The following BFSP2 variants were observed in gnomAD, a reference collection of about 807,000 sequenced individuals.
BFSP2 encodes the protein beaded filament structural protein 2.
BFSP2 carries 38 observed loss-of-function variants against 44.9 expected under a neutral mutation model. The ratio of observed to expected loss-of-function variants is 0.85; its 90% CI spans 0.65 to 1.11. The LOEUF is 1.11. Among genes scored for constraint, BFSP2 ranks in the 50% least tolerant of loss-of-function variants. BFSP2 has a pLI of 0.00. For synonymous variants in BFSP2, 197 were observed against 209.9 expected (o/e 0.94, Z 0.53); for missense variants, 525 against 533.0 (o/e 0.99, Z 0.15).
intron 1 of BFSP2, among the ~76,000 whole-genome samples, chr3:133,428,257 C>T (rs112906926): frequency 0.018 from 2,733 of 152,164 alleles, 36 homozygotes; most frequent in Non-Finnish European, 0.028. Flanking sequence ...TGGAGAAACC[C>T]GCAAGAGGCA....
intron 1 of BFSP2, among the ~76,000 whole-genome samples, chr3:133,419,516 G>C (rs1198231629): frequency 6.6e-6 from 1 of 152,202 alleles, no homozygotes; most frequent in Non-Finnish European, 1.5e-5. Flanking sequence ...CGTTTGATAA[G>C]ATAGAGCTAT....
chr3:133,400,150 C>G lies in BFSP2; in HGVS notation c.67C>G (p.Arg23Gly). The change falls in exon 1 of 7, where the codon CGC becomes GGC. Residue 23 changes from arginine to glycine, a missense_variant. By Grantham distance (125) the Arg-to-Gly change is moderately radical (BLOSUM62 -2). Transcript: ENST00000302334. The surrounding 1 kb of genome is among the most constrained non-coding windows in gnomAD (Gnocchi z 4.0). ...SASSSMPLQRRRASFRGPRSS... is the reference protein window; with the variant it reads ...SASSSMPLQRGRASFRGPRSS... ...CAGCTCCAGCATGCCCCTCCAGAGG[C>G]GCAGGGCGTCCTTCAGGGGGCCACG... is the stretch of plus-strand genomic sequence containing the variant. 1 of 1,614,176 alleles carries G rather than the reference C, an allele frequency of 6.2e-7. No individual in the cohort carries two copies. The highest frequency in any genetic ancestry group is 8.5e-7 in the Non-Finnish European group (1 of 1,180,034).
intron 1 of BFSP2, among the ~76,000 whole-genome samples, chr3:133,433,071 C>A (rs534536892): frequency 6.6e-6 from 1 of 152,322 alleles, no homozygotes; most frequent in Admixed American, 6.5e-5. Flanking sequence ...CTCCCCGGCA[C>A]CTTCAGCTGT....
At chr3:133,418,750 A>G (rs2107892302) in intron 1 of BFSP2, among the ~76,000 whole-genome samples, 1 of 152,216 alleles carries the variant, frequency 6.6e-6, no homozygotes, top group South Asian at 2.1e-4. Context: ...TTCCCTAACA[A>G]AATCATTTAC....
intron 1 of BFSP2, among the ~76,000 whole-genome samples, chr3:133,435,905 A>G (rs1185484192): frequency 6.6e-6 from 1 of 152,120 alleles, no homozygotes; most frequent in African/African-American, 2.4e-5. Flanking sequence ...GCTTCACCAC[A>G]AATTTGATGT....
rs569631397 is a variant in BFSP2, at chr3:133,410,258, C to G, written c.489+9686C>G. 7 of 352,122 alleles carry G rather than the reference C, an allele frequency of 2.0e-5. 1 individual carries two copies. The highest frequency in any genetic ancestry group is 1.6e-4 in the South Asian group (7 of 43,080). 21.8% of individuals were successfully genotyped at this position (352,122 alleles called of 1,614,324 possible). Reference sequence around the variant, plus strand: ...GGACCTCTGCACCCAGCATTTCTGTCCCAGAAACAGTCCTCAGGCTTACAG... The same window carrying G: ...GGACCTCTGCACCCAGCATTTCTGTGCCAGAAACAGTCCTCAGGCTTACAG... On this transcript the variant is annotated intron_variant, in intron 1 of 6. Transcript: ENST00000302334.
At chr3:133,422,971 C>T (rs2073606640) in intron 1 of BFSP2, among the ~76,000 whole-genome samples, 1 of 152,182 alleles carries the variant, frequency 6.6e-6, no homozygotes, top group Non-Finnish European at 1.5e-5. Flanking sequence ...AGCCTTCTTG[C>T]TCCTTCTTGG....
chr3:133,416,583 A>C (rs1373899268), intron 1 of BFSP2, among the ~76,000 whole-genome samples: 699 of 20,562 alleles, frequency 0.034, no homozygotes, highest in East Asian at 0.05. Flanking sequence ...AACCCCTTCC[A>C]TCTCCCCTAT....
chr3:133,415,251 C>CCCTCTATGCA (rs2073508628), intron 1 of BFSP2, among the ~76,000 whole-genome samples: 1 of 112,326 alleles, frequency 8.9e-6, no homozygotes, highest in African/African-American at 3.8e-5. Flanking sequence ...CCTCTACTCA[C>CCCTCTATGCA]CCCTGCCCCC....
In BFSP2 at chr3:133,466,967, G is replaced by T. The variant is rs2074116749; in HGVS notation, c.1023+8G>T. 1 of 1,613,854 alleles carries T rather than the reference G, an allele frequency of 6.2e-7. No homozygotes were observed. The highest frequency in any genetic ancestry group is 2.2e-5 in the East Asian group (1 of 44,858). The stretch of plus-strand genomic sequence containing the variant: ...GAATCCTTACGTGCCCTGGTAAGTG[G>T]GCCAAGGAAAGACCTGGTGTCCTTG... On this transcript the variant is annotated splice_region_variant and intron_variant, in intron 5 of 6. Coordinates refer to ENST00000302334, the MANE Select transcript of BFSP2 (RefSeq NM_003571.4).
intron 1 of BFSP2, among the ~76,000 whole-genome samples, chr3:133,422,894 A>G (rs962781965): frequency 6.6e-6 from 1 of 151,922 alleles, no homozygotes; most frequent in Non-Finnish European, 1.5e-5. Context: ...AAACCAATGA[A>G]CAGCTGGAAT....
At chr3:133,448,726 C>T (rs1475960716) in intron 3 of BFSP2, 81 bp downstream of exon 3, 1 of 1,530,950 alleles carries the variant, frequency 6.5e-7, no homozygotes, top group Non-Finnish European at 8.9e-7. Flanking sequence ...AACAAGGCCA[C>T]AGTAGCTCAT....
intron 1 of BFSP2, among the ~76,000 whole-genome samples, chr3:133,417,228 G>A (rs1336763457): frequency 4.8e-5 from 2 of 41,546 alleles, no homozygotes; most frequent in African/African-American, 9.8e-5. Flanking sequence ...CTACTTACCC[G>A]TGTCCTCTCC....
chr3:133,450,550 G>A (rs2073953923), intron 4 of BFSP2, 86 bp downstream of exon 4: 1 of 1,495,116 alleles, frequency 6.7e-7, no homozygotes, highest in Non-Finnish European at 9.3e-7. Flanking sequence ...TGCAGACGAA[G>A]AAATAACAAC....
chr3:133,412,660 C>G (rs2073467344), intron 1 of BFSP2: 1 of 152,494 alleles, frequency 6.6e-6, no homozygotes, highest in South Asian at 2.1e-4. Context: ...TCCTACCAAG[C>G]GCCAGCTCTG....
At position 133,472,450 on chromosome 3, in the gene BFSP2, A is replaced by C; in HGVS notation, c.1129A>C (p.Ile377Leu). 6.2e-7 allele frequency: 1 copy of C among 1,614,070 alleles called. No homozygotes were observed. Among genetic ancestry groups the C allele is most frequent in the Non-Finnish European group, 8.5e-7 (1 of 1,180,006 alleles). ...VGRLEAELRE[I>L]RAEAEQQQQE... ...CCGGCTGGAGGCGGAGCTCAGGGAA[A>C]TCCGAGCGGAGGCGGAGCAGCAGCA... The change falls in exon 6 of 7, where the codon ATC (isoleucine) becomes CTC (leucine). Residue 377 changes from isoleucine to leucine, a missense_variant. Physicochemically the swap from Ile to Leu is conservative, Grantham distance 5. Coordinates refer to ENST00000302334, the MANE Select transcript of BFSP2 (RefSeq NM_003571.4).
chr3:133,454,717 G>A (rs2107930376), intron 4 of BFSP2, among the ~76,000 whole-genome samples: 1 of 152,324 alleles, frequency 6.6e-6, no homozygotes, highest in Admixed American at 6.5e-5. Context: ...AAATGGAGGA[G>A]ATGCTTAAGG....
At chr3:133,416,256 T>A (rs2073527365) in intron 1 of BFSP2, among the ~76,000 whole-genome samples, 1 of 129,876 alleles carries the variant, frequency 7.7e-6, no homozygotes, top group Non-Finnish European at 1.6e-5. Flanking sequence ...CTCTCCCCTG[T>A]CCTCTCTCCT....
chr3:133,410,033 G>A (rs886453939), intron 1 of BFSP2: 8 of 187,900 alleles, frequency 4.3e-5, no homozygotes, highest in African/African-American at 1.7e-4. Flanking sequence ...GGACGAAGTT[G>A]CCTTCCCACC....
Sources: allele counts gnomAD v4.1 joint callset (sites outside exome capture counted in the v4.1 genomes callset), GRCh38; gene constraint gnomAD v4.1.1; non-coding constraint Gnocchi (gnomAD v3.1); transcripts MANE v1.5; gene names NCBI Gene and HGNC (gene_info 2026-07-23, HGNC 2026-07-21).